The following RELN variants were observed in gnomAD, a reference collection of about 807,000 sequenced individuals.
RELN encodes reelin.
RELN carries 108 observed loss-of-function variants against 427.6 expected under a neutral mutation model. That is an observed-to-expected ratio of 0.25 (90% CI 0.22 to 0.30). RELN has a LOEUF of 0.30. Among genes scored for constraint, RELN ranks in the 10% least tolerant of loss-of-function variants. The pLI, the probability that RELN is intolerant of heterozygous loss-of-function variation, is 1.00. For missense variants in RELN, 3,715 were observed against 4,302.8 expected (o/e 0.86, Z 3.82); for synonymous variants, 1,524 against 1,513.4 (o/e 1.01, Z -0.16).
At chr7:103,643,350 A>G (rs1489643605) in intron 16 of RELN, among the ~76,000 whole-genome samples, 3 of 152,070 alleles carry the variant, frequency 2.0e-5, no homozygotes, top group African/African-American at 7.2e-5. Context: ...AATGCTATTA[A>G]TCTACCTGTA....
chr7:103,848,155 C>G (rs534442446), intron 2 of RELN, among the ~76,000 whole-genome samples: 16 of 152,210 alleles, frequency 1.1e-4, no homozygotes, highest in African/African-American at 3.6e-4. Flanking sequence ...GGTTACCACG[C>G]CTCTTGTTCA....
At chr7:103,798,603 C>G (rs992020732) in intron 3 of RELN, among the ~76,000 whole-genome samples, 2 of 152,134 alleles carry the variant, frequency 1.3e-5, no homozygotes, top group African/African-American at 4.8e-5. Flanking sequence ...AGTCATCATT[C>G]CTGAGCACCC....
chr7:103,678,744 T>C (rs1833592802), intron 11 of RELN, among the ~76,000 whole-genome samples: 1 of 152,174 alleles, frequency 6.6e-6, no homozygotes, highest in African/African-American at 2.4e-5. Context: ...ATGAAAGCAT[T>C]ATATCCACAT....
In RELN at chr7:103,661,515, C is replaced by G. The variant is rs1338264030; in HGVS notation, c.1302G>C (p.Leu434Phe). 1.9e-6 allele frequency: 3 copies of G among 1,613,246 alleles called. No individual in the cohort carries two copies. The highest frequency in any genetic ancestry group is 2.5e-6 in the Non-Finnish European group (3 of 1,179,734). ...CACATTCTGTACCAATGACAGCTCC[C>G]AAGACATCCCATCTAAAAAAAAAGG... Reference protein sequence around the residue: ...FESQPTGWDVLGAVIGTECGT... With the variant: ...FESQPTGWDVFGAVIGTECGT... The change falls in exon 12 of 65, where the codon TTG (leucine) becomes TTC (phenylalanine). Residue 434 changes from leucine to phenylalanine, a missense_variant. By Grantham distance (22) the Leu-to-Phe change is conservative (BLOSUM62 0). Transcript: ENST00000428762.
intron 1 of RELN, among the ~76,000 whole-genome samples, chr7:103,943,724 T>G (rs1040896285): frequency 6.6e-6 from 1 of 150,662 alleles, no homozygotes; most frequent in Non-Finnish European, 1.5e-5. Context: ...GGCGGGTGCC[T>G]GTAATACCAG....
chr7:103,930,471 ATTTC>A (rs1335383164), intron 1 of RELN, among the ~76,000 whole-genome samples: 3 of 151,376 alleles, frequency 2.0e-5, no homozygotes, highest in South Asian at 2.1e-4. Flanking sequence ...CCCGTAATGC[ATTTC>A]TTTCTTTTTT....
intron 8 of RELN, among the ~76,000 whole-genome samples, chr7:103,713,957 C>T (rs1355227363): frequency 2.6e-5 from 4 of 152,130 alleles, no homozygotes; most frequent in South Asian, 2.1e-4. Flanking sequence ...TCTTGACCCA[C>T]GGCATCAAAA....
At chr7:103,590,987 C>T (rs1355389125) in intron 27 of RELN, among the ~76,000 whole-genome samples, 2 of 152,286 alleles carry the variant, frequency 1.3e-5, no homozygotes, top group African/African-American at 4.8e-5. Context: ...TGTAGAAACA[C>T]TTAAAATTTT....
At chr7:103,576,101 C>T (rs538732813) in intron 28 of RELN, among the ~76,000 whole-genome samples, 6 of 152,234 alleles carry the variant, frequency 3.9e-5, no homozygotes, top group South Asian at 4.1e-4. Context: ...CGTGGTGGCA[C>T]GTGCTTGTAG....
rs769268341 is a variant in RELN at position 103,515,362 on chromosome 7, G to C, written c.7942C>G (p.Leu2648Val). The C allele has an allele frequency of 2.5e-6, 4 of 1,614,118 alleles. No homozygotes were observed. The highest frequency in any genetic ancestry group is 1.7e-6 in the Non-Finnish European group (2 of 1,180,028). Reference sequence around the variant, plus strand: ...TCAATGGCCCAGTCGTTCTGATCCAGGCCGTCATGTCTTGGCTGCCACCAG... The same window carrying C: ...TCAATGGCCCAGTCGTTCTGATCCACGCCGTCATGTCTTGGCTGCCACCAG... ...FRWWQPRHDG[L>V]DQNDWAIDNV... Residue 2648 changes from leucine to valine, a missense_variant, in exon 50 of 65, where the codon CTG (leucine) becomes GTG (valine). This residue lies in a region of RELN where 1,310 missense variants were observed against 1,643.0 expected (regional missense o/e 0.80). Coordinates refer to ENST00000428762, the MANE Select transcript of RELN (RefSeq NM_005045.4).
chr7:103,657,412 A>T (rs1485936214), intron 12 of RELN, among the ~76,000 whole-genome samples: 1 of 152,018 alleles, frequency 6.6e-6, no homozygotes, highest in Non-Finnish European at 1.5e-5. Flanking sequence ...ACATATAAGG[A>T]TATTTATAAT....
At chr7:103,951,250 G>C (rs1796324986) in intron 1 of RELN, among the ~76,000 whole-genome samples, 1 of 152,120 alleles carries the variant, frequency 6.6e-6, no homozygotes, top group Non-Finnish European at 1.5e-5. Context: ...TAATAGTCGA[G>C]TACATTTACA....
rs1231644831 is a variant in RELN, at chr7:103,490,833, C to T, written c.9444-4G>A. ...TACGAGCTGCCAGGAATCCGATCTGCAGAAACCAAAAGGCTTTGTTAGACA... is the reference window on the plus strand; with the variant it reads ...TACGAGCTGCCAGGAATCCGATCTGTAGAAACCAAAAGGCTTTGTTAGACA... On this transcript the variant is annotated splice_region_variant and splice_polypyrimidine_tract_variant and intron_variant, in intron 58 of 64. Transcript: ENST00000428762. The T allele has an allele frequency of 1.9e-6, 3 of 1,614,088 alleles. No individual in the cohort carries two copies. Among genetic ancestry groups the T allele is most frequent in the Admixed American group, 1.7e-5 (1 of 60,028 alleles).
rs1480449915 is a variant in RELN at position 103,620,812 on chromosome 7, T to C, written c.2703-9009A>G. 6.6e-6 allele frequency among the ~76,000 whole-genome samples: 1 copy of C among 152,134 alleles called. No homozygotes were observed. The highest frequency in any genetic ancestry group is 2.4e-5 in the African/African-American group (1 of 41,434). ...ATTTATACCACTTCTCATTAGGATT[T>C]GCCCTTTCAACACACTCCTGTCTCT... is the stretch of plus-strand genomic sequence containing the variant. On this transcript the variant is annotated intron_variant, in intron 20 of 64. Transcript: ENST00000428762. This position sits in a 1 kb window ranked among gnomAD's most constrained non-coding sequence, Gnocchi z 4.1.
rs2116084702 is a variant in RELN, at chr7:103,753,179, T to C, written c.577+3A>G. On this transcript the variant is annotated splice_donor_region_variant and intron_variant, in intron 5 of 64. Transcript: ENST00000428762. ...TAATGACATCAGAGTCTTAAACACT[T>C]ACCTAGATGTGGGTGCACAGTGACA... 1 of 1,613,980 alleles carries C rather than the reference T, an allele frequency of 6.2e-7. No homozygotes were observed. Among genetic ancestry groups the C allele is most frequent in the Non-Finnish European group, 8.5e-7 (1 of 1,179,884 alleles).
intron 3 of RELN, among the ~76,000 whole-genome samples, chr7:103,807,519 T>C (rs1034587745): frequency 1.3e-5 from 2 of 152,090 alleles, no homozygotes; most frequent in African/African-American, 4.8e-5. Context: ...CATGGGTAAA[T>C]TGCATGTCAC....
intron 37 of RELN, 137 bp downstream of exon 37, chr7:103,557,828 A>C (rs936957179): frequency 1.7e-6 from 1 of 596,628 alleles, no homozygotes; most frequent in Non-Finnish European, 3.0e-6. Flanking sequence ...AAACATTTGC[A>C]AACATTTATG....
At chr7:103,941,848 A>T (rs1281151042) in intron 1 of RELN, among the ~76,000 whole-genome samples, 3 of 152,108 alleles carry the variant, frequency 2.0e-5, no homozygotes, top group Non-Finnish European at 2.9e-5. Flanking sequence ...TCCGCAGAAC[A>T]CTAGACCACT....
intron 8 of RELN, among the ~76,000 whole-genome samples, chr7:103,705,658 G>A (rs538393351): frequency 2.0e-5 from 3 of 152,350 alleles, no homozygotes; most frequent in African/African-American, 7.2e-5. Context: ...GGTATTACGT[G>A]TAGGGTTACG....
Sources: gnomAD v4.1 joint callset for allele counts (sites outside exome capture counted in the v4.1 genomes callset) on GRCh38, gnomAD v4.1.1 for gene constraint, gnomAD v4.1.1 regional missense constraint, Gnocchi (gnomAD v3.1) non-coding constraint, MANE v1.5 for transcripts, NCBI Gene and HGNC (gene_info 2026-07-23, HGNC 2026-07-21) for gene names.